RTF2: variants seen among roughly 807,000 people sequenced by gnomAD.
RTF2 encodes the protein replication termination factor 2.
In RTF2, 18 loss-of-function variants were observed where a neutral mutation model predicts 38.0. That is an observed-to-expected ratio of 0.47 (90% CI 0.33 to 0.70). RTF2 has a LOEUF of 0.70. Ranked by LOEUF, RTF2 falls within the 30% of genes least tolerant of loss-of-function variation. The pLI is 0.02. For missense variants in RTF2, 311 were observed against 379.6 expected, an observed-to-expected ratio of 0.82 and a Z score of 1.50; for synonymous variants, 126 against 137.1, an observed-to-expected ratio of 0.92 and a Z score of 0.57.
chr20:56,481,535 A>C (rs930161710), intron 4 of RTF2, among the ~76,000 whole-genome samples: 1 of 152,212 alleles, frequency 6.6e-6, no homozygotes, highest in Admixed American at 6.5e-5. Context: ...CAAGTAAGAC[A>C]TATTCTGGGG....
chr20:56,504,835 G>C (rs1984161271), intron 5 of RTF2, among the ~76,000 whole-genome samples: 1 of 152,236 alleles, frequency 6.6e-6, no homozygotes. Flanking sequence ...GCCTAAGCGG[G>C]ATGTGTGGTC....
intron 5 of RTF2, chr20:56,495,278 T>C (rs546504730): frequency 1.3e-6 from 2 of 1,551,586 alleles, no homozygotes; most frequent in South Asian, 1.2e-5. Flanking sequence ...AGCCAGCGTT[T>C]GGTGTAGCAC....
chr20:56,487,662 T>C (rs1982866030), intron 5 of RTF2, among the ~76,000 whole-genome samples: 1 of 152,240 alleles, frequency 6.6e-6, no homozygotes. Context: ...TGCTAGTTTG[T>C]TGGGGCTGCT....
At chr20:56,513,245 T>TG in intron 5 of RTF2, 70 bp from the exon 6 acceptor site, 8 of 1,537,650 alleles carry the variant, frequency 5.2e-6, no homozygotes, top group Non-Finnish European at 7.0e-6. Flanking sequence ...GGGCTGAGAG[T>TG]GGGGGACTGA....
intron 4 of RTF2, among the ~76,000 whole-genome samples, chr20:56,478,839 T>C (rs763522931): frequency 2.6e-5 from 4 of 152,232 alleles, no homozygotes; most frequent in Non-Finnish European, 5.9e-5. Context: ...ACAGTAGACC[T>C]TCTTTCAAAA....
intron 6 of RTF2, chr20:56,516,440 A>G (rs1011349723): frequency 6.5e-5 from 10 of 154,538 alleles, no homozygotes; most frequent in African/African-American, 2.2e-4. Context: ...TGTCTTTAAT[A>G]TAAACTTCAA....
chr20:56,481,353 G>C (rs1262996771), intron 4 of RTF2, among the ~76,000 whole-genome samples: 3 of 152,250 alleles, frequency 2.0e-5, no homozygotes, highest in Non-Finnish European at 4.4e-5. Context: ...GTGGCAGACT[G>C]TGCGAGGGGA....
At chr20:56,482,759 A>G (rs899022219) in intron 4 of RTF2, among the ~76,000 whole-genome samples, 2 of 152,204 alleles carry the variant, frequency 1.3e-5, no homozygotes, top group African/African-American at 4.8e-5. Flanking sequence ...ATTAGAGAAA[A>G]TTTGTCCTTT....
rs1355848284 is a variant in RTF2, at chr20:56,494,187, C to T, written c.477+9998C>T. Among the ~76,000 whole-genome samples the T allele has an allele frequency of 3.3e-5, 5 of 152,312 alleles. No individual in the cohort carries two copies. The East Asian group carries it at 7.7e-4, about 24-fold the overall frequency. ...TCTGAATGCTGGCCATGGATGGCCACGCTACTGCCTAACTGTGAGTACCGT... is the reference window on the plus strand; with the variant it reads ...TCTGAATGCTGGCCATGGATGGCCATGCTACTGCCTAACTGTGAGTACCGT... On this transcript the variant is annotated intron_variant, in intron 5 of 8. Coordinates refer to ENST00000357348, the MANE Select transcript of RTF2 (RefSeq NM_016407.5).
At chr20:56,490,070 T>A (rs1983025764) in intron 5 of RTF2, among the ~76,000 whole-genome samples, 1 of 152,218 alleles carries the variant, frequency 6.6e-6, no homozygotes, top group African/African-American at 2.4e-5. Context: ...AGGTGTTACT[T>A]TTCTGTGGTT....
intron 4 of RTF2, among the ~76,000 whole-genome samples, chr20:56,480,157 C>T (rs562467756): frequency 3.9e-5 from 6 of 152,342 alleles, no homozygotes; most frequent in Admixed American, 3.9e-4. Flanking sequence ...AATCTGTTGT[C>T]TAGTGTACCC....
At chr20:56,506,076 G>A (rs1481589299) in intron 5 of RTF2, among the ~76,000 whole-genome samples, 1 of 152,182 alleles carries the variant, frequency 6.6e-6, no homozygotes, top group African/African-American at 2.4e-5. Context: ...TGGGAGAACT[G>A]CTTGGCTTTA....
chr20:56,496,637 A>C, intron 5 of RTF2: 3 of 1,482,244 alleles, frequency 2.0e-6, no homozygotes, highest in Non-Finnish European at 2.7e-6. Context: ...GGTCTTTCTT[A>C]CCTTTTAGTC....
intron 5 of RTF2, among the ~76,000 whole-genome samples, chr20:56,493,792 GA>G (rs1568700538): frequency 6.6e-6 from 1 of 152,128 alleles, no homozygotes; most frequent in Non-Finnish European, 1.5e-5. Context: ...AGTTGAACTA[GA>G]AGGGAATACA....
At chr20:56,488,757 C>T (rs1325482785) in intron 5 of RTF2, among the ~76,000 whole-genome samples, 1 of 152,210 alleles carries the variant, frequency 6.6e-6, no homozygotes, top group Admixed American at 6.5e-5. Context: ...TTCACTCTAC[C>T]CATCAACAGA....
intron 5 of RTF2, among the ~76,000 whole-genome samples, chr20:56,500,724 T>A (rs958860727): frequency 1.3e-5 from 2 of 152,232 alleles, no homozygotes; most frequent in Admixed American, 6.5e-5. Context: ...GGATGCCTGC[T>A]GGACTGCCCT....
intron 4 of RTF2, among the ~76,000 whole-genome samples, chr20:56,478,845 C>T (rs528536557): frequency 6.6e-6 from 1 of 152,180 alleles, no homozygotes; most frequent in South Asian, 2.1e-4. Context: ...GACCTTCTTT[C>T]AAAATTGGAA....
intron 5 of RTF2, among the ~76,000 whole-genome samples, chr20:56,506,948 C>A (rs1984318558): frequency 6.6e-6 from 1 of 152,198 alleles, no homozygotes; most frequent in African/African-American, 2.4e-5. Context: ...GATCCGCCCG[C>A]CTCGGCCTTC....
chr20:56,516,916 A>G lies in RTF2; in HGVS notation c.592-19A>G, dbSNP rs565500124. ...AGTGAATCTGAGCACAGCCTCCAACATTCTCTATCTTTTTGTAGAAAACAA... is the reference window on the plus strand; with the variant it reads ...AGTGAATCTGAGCACAGCCTCCAACGTTCTCTATCTTTTTGTAGAAAACAA... On this transcript the variant is annotated intron_variant, in intron 6 of 8. Transcript: ENST00000357348. 2 of 1,612,928 alleles carry G rather than the reference A, an allele frequency of 1.2e-6. No individual in the cohort carries two copies. The highest frequency in any genetic ancestry group is 1.3e-5 in the African/African-American group (1 of 75,000).
Sources: gnomAD v4.1 joint callset for allele counts (sites outside exome capture counted in the v4.1 genomes callset) on GRCh38, gnomAD v4.1.1 for gene constraint, MANE v1.5 for transcripts, NCBI Gene and HGNC (gene_info 2026-07-23, HGNC 2026-07-21) for gene names.